The following ZMIZ2 variants were observed in gnomAD, a reference collection of about 807,000 sequenced individuals.
The protein encoded by ZMIZ2 is zinc finger MIZ-type containing 2.
ZMIZ2 carries 26 observed loss-of-function variants against 93.9 expected under a neutral mutation model. The ratio of observed to expected loss-of-function variants is 0.28; its 90% CI spans 0.20 to 0.38. The LOEUF (loss-of-function observed/expected upper bound fraction) is 0.38, where lower values mean the gene tolerates loss of function less well. Ranked by LOEUF, ZMIZ2 falls within the 10% of genes least tolerant of loss-of-function variation. The pLI is 1.00. For missense variants in ZMIZ2, 1,023 were observed against 1,235.0 expected (o/e 0.83, Z 2.57); for synonymous variants, 485 against 516.4 (o/e 0.94, Z 0.82).
In ZMIZ2 at chr7:44,761,784, A is replaced by T. The variant is rs758927981; in HGVS notation, c.1475A>T (p.Asn492Ile). The T allele has an allele frequency of 6.2e-7, 1 of 1,613,996 alleles. No individual in the cohort carries two copies. Among genetic ancestry groups the T allele is most frequent in the Non-Finnish European group, 8.5e-7 (1 of 1,180,022 alleles). ...CCAGCCTCGGTGCAGGTCAGCGTCA[A>T]TGCCACGCCGCTCACCATCGAGCGT... is the stretch of plus-strand genomic sequence containing the variant. ...NWPASVQVSV[N>I]ATPLTIERGD... Residue 492 changes from asparagine (N) to isoleucine (I), a missense_variant, in exon 11 of 19, where the codon AAT becomes ATT. Physicochemically the swap from Asn to Ile is moderately radical, Grantham distance 149. This residue lies in a region of ZMIZ2 where 656 missense variants were observed against 777.1 expected (regional missense o/e 0.84). Coordinates refer to ENST00000309315, the MANE Select transcript of ZMIZ2 (RefSeq NM_031449.4). The surrounding 1 kb of genome is among the most constrained non-coding windows in gnomAD (Gnocchi z 5.8).
In ZMIZ2 at chr7:44,767,530, G is replaced by T. The variant is rs1791843687; in HGVS notation, c.2670G>T (p.Leu890=). The change falls in exon 19 of 19, where the codon CTG becomes CTT. Residue 890 remains leucine (L), a synonymous_variant. Transcript: ENST00000309315. ...TTTGTCCTCAGCTGCTCCCGGAACT[G>T]ACCAACCCTGATGAGCTACTGTCCT... is the stretch of plus-strand genomic sequence containing the variant. ...PEPALDLLPE[L]TNPDELLSYL... The T allele has an allele frequency of 6.2e-7, 1 of 1,613,984 alleles. No homozygotes were observed. The highest frequency in any genetic ancestry group is 1.3e-5 in the African/African-American group (1 of 74,894).
rs1181871222 is a variant in ZMIZ2 at position 44,764,946 on chromosome 7, C to T, written c.1934C>T (p.Thr645Ile). The change falls in exon 15 of 19, where the codon ACA becomes ATA. Residue 645 changes from threonine to isoleucine, a missense_variant. By Grantham distance (89) the Thr-to-Ile change is moderately conservative. Coordinates refer to ENST00000309315, the MANE Select transcript of ZMIZ2 (RefSeq NM_031449.4). ...GTCCCTTTTTTTCCCCACAGCAAGA[C>T]AGCTTTGCTGGAGGGCCTGGAGGTG... Reference protein sequence around the residue: ...GTWRCPVCNKTALLEGLEVDQ... With the variant: ...GTWRCPVCNKIALLEGLEVDQ... 1.2e-6 allele frequency: 2 copies of T among 1,614,236 alleles called. No individual in the cohort carries two copies. Among genetic ancestry groups the T allele is most frequent in the South Asian group, 1.1e-5 (1 of 91,090 alleles).
chr7:44,752,387 C>T lies in ZMIZ2; in HGVS notation c.-63+3396C>T, dbSNP rs556917348. ...CGAACTCCTGACCTCAAATGATCTG[C>T]CCACTTCAGCCTCCCAAAGTGCTGG... On this transcript the variant is annotated intron_variant, in intron 1 of 18. Transcript: ENST00000309315. Among the ~76,000 whole-genome samples the T allele has an allele frequency of 2.6e-5, 4 of 152,238 alleles. No homozygotes were observed. The East Asian group carries it at 7.7e-4, about 29-fold the overall frequency.
chr7:44,762,344 C>T (rs1791283157), intron 11 of ZMIZ2, among the ~76,000 whole-genome samples: 1 of 152,184 alleles, frequency 6.6e-6, no homozygotes, highest in Non-Finnish European at 1.5e-5. Context: ...GCAGAAAGCT[C>T]ATGGAGCTCG....
At position 44,767,763 on chromosome 7, in the gene ZMIZ2, C is replaced by A; in HGVS notation, c.*140C>A. 1.3e-6 allele frequency: 1 copy of A among 744,462 alleles called. No homozygotes were observed. 46.1% of individuals were successfully genotyped at this position (744,462 alleles called of 1,614,324 possible). On this transcript the variant is annotated 3_prime_UTR_variant, in exon 19 of 19. Coordinates refer to ENST00000309315, the MANE Select transcript of ZMIZ2 (RefSeq NM_031449.4). ...CACACCTGGAGCCAGAGCCTTCTGC[C>A]GCCAGCCCTGCCCCTGAATTGGAAG...
chr7:44,762,083 T>TCTGCTGTTTTGCTGTCCACCGC (rs1163998298), intron 11 of ZMIZ2, among the ~76,000 whole-genome samples, 178 bp downstream of exon 11: 2 of 152,128 alleles, frequency 1.3e-5, no homozygotes, highest in Non-Finnish European at 2.9e-5. Context: ...CATGCCGCCG[T>TCTGCTGTTTTGCTGTCCACCGC]CTGCTGTTTT....
chr7:44,767,666 G>T lies in ZMIZ2; in HGVS notation c.*43G>T. On this transcript the variant is annotated 3_prime_UTR_variant, in exon 19 of 19. Transcript: ENST00000309315. The stretch of plus-strand genomic sequence containing the variant: ...GCCCGGCGGGGACACGCTCACAGAT[G>T]TCACCACAGCCCTGCCCTTCATGCC... 1.3e-6 allele frequency: 2 copies of T among 1,556,676 alleles called. No individual in the cohort carries two copies. The highest frequency in any genetic ancestry group is 8.9e-7 in the Non-Finnish European group (1 of 1,128,844).
intron 6 of ZMIZ2, 122 bp downstream of exon 6, chr7:44,758,230 T>C: frequency 7.7e-7 from 1 of 1,297,774 alleles, no homozygotes; most frequent in South Asian, 2.1e-5. Flanking sequence ...CTGTAGTCCC[T>C]GCACTTTGGG....
At chr7:44,762,093 T>C (rs1252350765) in intron 11 of ZMIZ2, among the ~76,000 whole-genome samples, 188 bp downstream of exon 11, 2 of 152,246 alleles carry the variant, frequency 1.3e-5, no homozygotes, top group Admixed American at 1.3e-4. Flanking sequence ...TCTGCTGTTT[T>C]GCTGTCCACC....
rs537485676 is a variant in ZMIZ2 at position 44,766,836 on chromosome 7, G to A, written c.2655+173G>A. 3.9e-5 allele frequency among the ~76,000 whole-genome samples: 6 copies of A among 152,300 alleles called. No homozygotes were observed. The highest frequency in any genetic ancestry group is 9.6e-5 in the African/African-American group (4 of 41,570). On this transcript the variant is annotated intron_variant, in intron 18 of 18. Transcript: ENST00000309315. This position sits in a 1 kb window ranked among gnomAD's most constrained non-coding sequence, Gnocchi z 4.4. ...TTAGATACCTGGAGTAGCTGCGGGT[G>A]GGATGCGATGTACCACATTTGTGTT...
At position 44,757,400 on chromosome 7, in the gene ZMIZ2, C is replaced by T; in HGVS notation, c.391C>T (p.Leu131=). Residue 131 remains leucine (L), a synonymous_variant, in exon 5 of 19, where the codon CTG becomes TTG. Coordinates refer to ENST00000309315, the MANE Select transcript of ZMIZ2 (RefSeq NM_031449.4). The part of the protein sequence containing the change: ...TTGYAGGPGG[L]GLPSHAARPS... ...CAGGTATGCAGGCGGCCCGGGGGGCCTGGGCCTCCCCTCACATGCTGCAAG... is the reference window on the plus strand; with the variant it reads ...CAGGTATGCAGGCGGCCCGGGGGGCTTGGGCCTCCCCTCACATGCTGCAAG... The T allele has an allele frequency of 1.2e-6, 2 of 1,602,292 alleles. No individual in the cohort carries two copies. The highest frequency in any genetic ancestry group is 1.1e-5 in the South Asian group (1 of 91,050).
At chr7:44,750,151 A>G (rs1381002761) in intron 1 of ZMIZ2, among the ~76,000 whole-genome samples, 1 of 152,130 alleles carries the variant, frequency 6.6e-6, no homozygotes, top group African/African-American at 2.4e-5. Flanking sequence ...TGATGACATG[A>G]AGGTGGTCAT....
At chr7:44,759,252 TCCCC>T in intron 6 of ZMIZ2, 25 bp from the exon 7 acceptor site, 1 of 1,465,220 alleles carries the variant, frequency 6.8e-7, no homozygotes, top group Admixed American at 2.4e-5. Context: ...GCCTTTTTTC[TCCCC>T]TCGGGCATTT....
At chr7:44,764,804 G>A (rs1480213157) in intron 14 of ZMIZ2, 137 bp from the exon 15 acceptor site, 1 of 872,422 alleles carries the variant, frequency 1.1e-6, no homozygotes, top group Admixed American at 2.3e-5. Flanking sequence ...AGCTCACACA[G>A]AGTTACCTTG....
Position 44,764,488 on chromosome 7 carries a change from T to G in ZMIZ2, c.1928+2T>G. 6.2e-7 allele frequency: 1 copy of G among 1,614,102 alleles called. No individual in the cohort carries two copies. The highest frequency in any genetic ancestry group is 8.5e-7 in the Non-Finnish European group (1 of 1,179,990). On this transcript the variant is annotated splice_donor_variant, in intron 14 of 18. Coordinates refer to ENST00000309315, the MANE Select transcript of ZMIZ2 (RefSeq NM_031449.4). LOFTEE classifies it high-confidence loss of function. ...GACTTGGAGGTGTCCTGTGTGCAAG[T>G]GAGTCTCAGATGCAGCGTGTGATGG...
chr7:44,759,259 G>A, intron 6 of ZMIZ2, 22 bp from the exon 7 acceptor site: 6 of 1,472,054 alleles, frequency 4.1e-6, no homozygotes, highest in Non-Finnish European at 5.4e-6. Context: ...TTCTCCCCTC[G>A]GGCATTTTGC....
chr7:44,750,640 A>G (rs1463098319), intron 1 of ZMIZ2, among the ~76,000 whole-genome samples: 1 of 151,928 alleles, frequency 6.6e-6, no homozygotes, highest in Non-Finnish European at 1.5e-5. Context: ...CAACCAGGAG[A>G]CTTGGGGGTG....
In ZMIZ2 at chr7:44,765,236, G is replaced by A; in HGVS notation, c.1998-99G>A. 1.3e-6 allele frequency: 2 copies of A among 1,566,130 alleles called. No individual in the cohort carries two copies. Among genetic ancestry groups the A allele is most frequent in the East Asian group, 2.3e-5 (1 of 44,396 alleles). Reference sequence around the variant, plus strand: ...CTGGGTGGAAGCAAGCATTTGAGTGGGGGAACCTGCCTGGAAACAGCCCAG... The same window carrying A: ...CTGGGTGGAAGCAAGCATTTGAGTGAGGGAACCTGCCTGGAAACAGCCCAG... On this transcript the variant is annotated intron_variant, in intron 15 of 18. Coordinates refer to ENST00000309315, the MANE Select transcript of ZMIZ2 (RefSeq NM_031449.4). The surrounding 1 kb of genome is among the most constrained non-coding windows in gnomAD (Gnocchi z 4.1).
At chr7:44,767,476 C>G (rs769161701) in intron 18 of ZMIZ2, 40 bp from the exon 19 acceptor site, 12 of 1,528,192 alleles carry the variant, frequency 7.9e-6, no homozygotes, top group African/African-American at 2.7e-5. Flanking sequence ...TGTGGCCAGT[C>G]AGTGACCAAA....
Sources: allele counts gnomAD v4.1 joint callset (sites outside exome capture counted in the v4.1 genomes callset), GRCh38; gene constraint gnomAD v4.1.1; regional missense constraint gnomAD v4.1.1; non-coding constraint Gnocchi (gnomAD v3.1); transcripts MANE v1.5; gene names NCBI Gene and HGNC (gene_info 2026-07-23, HGNC 2026-07-21).